Variants in DNAJC3 observed in about 807,000 individuals in gnomAD.
DNAJC3 encodes the protein dnaJ homolog subfamily C member 3.
A neutral mutation model predicts 68.6 loss-of-function variants in DNAJC3; 38 were observed. That is an observed-to-expected ratio of 0.55 (90% CI 0.43 to 0.73). The LOEUF (loss-of-function observed/expected upper bound fraction) is 0.73, where lower values mean the gene tolerates loss of function less well. Ranked by LOEUF, DNAJC3 falls within the 30% of genes least tolerant of loss-of-function variation. The pLI, the probability that DNAJC3 is intolerant of heterozygous loss-of-function variation, is 0.00. For missense variants in DNAJC3, 526 were observed against 591.9 expected, an observed-to-expected ratio of 0.89 and a Z score of 1.16; for synonymous variants, 203 against 204.0, an observed-to-expected ratio of 1.00 and a Z score of 0.04.
chr13:95,763,140 G>A (rs1328867583), intron 7 of DNAJC3, among the ~76,000 whole-genome samples: 1 of 152,196 alleles, frequency 6.6e-6, no homozygotes, highest in African/African-American at 2.4e-5. Flanking sequence ...AGCTTATACA[G>A]TTGGGAATTT....
intron 2 of DNAJC3, among the ~76,000 whole-genome samples, chr13:95,718,238 A>C (rs1389400583): frequency 2.0e-5 from 3 of 152,252 alleles, no homozygotes; most frequent in Non-Finnish European, 4.4e-5. Context: ...AAGGTTATCC[A>C]GTCTTGTATT....
intron 2 of DNAJC3, among the ~76,000 whole-genome samples, chr13:95,720,701 C>G (rs1881293492): frequency 6.6e-6 from 1 of 152,094 alleles, no homozygotes; most frequent in Admixed American, 6.6e-5. Flanking sequence ...TATATTCAGG[C>G]TACTGATTTT....
chr13:95,736,605 A>G (rs1368727114), intron 4 of DNAJC3, among the ~76,000 whole-genome samples: 1 of 151,810 alleles, frequency 6.6e-6, no homozygotes, highest in Non-Finnish European at 1.5e-5. Context: ...GAGTTCACTC[A>G]TGATTTGGCT....
At position 95,739,463 on chromosome 13, in the gene DNAJC3, G is replaced by A. The variant is rs1194044954; in HGVS notation, c.393+14211G>A. 6.6e-5 allele frequency among the ~76,000 whole-genome samples: 10 copies of A among 150,402 alleles called. No individual in the cohort carries two copies. The East Asian group carries it at 7.8e-4, about 12-fold the overall frequency. Reference sequence around the variant, plus strand: ...CTCCCCATCACTTTCAGGTACACCAGTCAGACGTAGATTTGGTCTTTTCAC... The same window carrying A: ...CTCCCCATCACTTTCAGGTACACCAATCAGACGTAGATTTGGTCTTTTCAC... On this transcript the variant is annotated intron_variant, in intron 4 of 11. Transcript: ENST00000602402.
At chr13:95,691,062 AGG>A (rs1358449724) in intron 1 of DNAJC3, among the ~76,000 whole-genome samples, 1 of 131,102 alleles carries the variant, frequency 7.6e-6, no homozygotes, top group Non-Finnish European at 1.6e-5. Flanking sequence ...GGCCGGGCAG[AGG>A]GGCTCCTCAC....
In DNAJC3 at chr13:95,704,851, G is replaced by GTTTTTT. The variant is rs1193979630; in HGVS notation, c.83-4363_83-4358dup. ...AGAAAGGACTAATCTGTGTGTGTGTGTTTTTTTTTTTTTTTTTTGAGACAG... is the reference window on the plus strand; with the variant it reads ...AGAAAGGACTAATCTGTGTGTGTGTGTTTTTTTTTTTTTTTTTTTTTTTTGAGACAG... On this transcript the variant is annotated intron_variant, in intron 1 of 11. Transcript: ENST00000602402. Among the ~76,000 whole-genome samples, 62 of 97,818 alleles carry GTTTTTT rather than the reference G, an allele frequency of 6.3e-4. 3 individuals are homozygous for GTTTTTT. The South Asian group carries it at 6.9e-3, about 11-fold the overall frequency. The allele number at this position is 97,818 out of a possible 152,430, so 64.2% of individuals were successfully genotyped here.
chr13:95,770,102 G>A (rs6492821), intron 9 of DNAJC3, among the ~76,000 whole-genome samples: 79,792 of 151,982 alleles, frequency 0.53, 21,089 homozygotes, highest in East Asian at 0.65. Flanking sequence ...GCCTCTCCCA[G>A]CAGTGACAAG....
chr13:95,755,125 G>T (rs1882611559), intron 4 of DNAJC3, among the ~76,000 whole-genome samples: 1 of 151,896 alleles, frequency 6.6e-6, no homozygotes, highest in Non-Finnish European at 1.5e-5. Flanking sequence ...TGATTGAGAG[G>T]AGTCAACAGC....
At position 95,785,998 on chromosome 13, in the gene DNAJC3, G is replaced by A; in HGVS notation, c.1135G>A (p.Gly379Ser). The change falls in exon 10 of 12, where the codon GGT becomes AGT. Residue 379 changes from glycine to serine, a missense_variant. Coordinates refer to ENST00000602402, the MANE Select transcript of DNAJC3 (RefSeq NM_006260.5). The part of the protein sequence containing the change: ...HNENDQQIRE[G>S]LEKAQRLLKQ... ...TGAAAATGATCAGCAGATTCGAGAAGGTCTAGAGAAAGCACAAAGATTATT... is the reference window on the plus strand; with the variant it reads ...TGAAAATGATCAGCAGATTCGAGAAAGTCTAGAGAAAGCACAAAGATTATT... 9.9e-6 allele frequency: 16 copies of A among 1,612,118 alleles called. No homozygotes were observed. The highest frequency in any genetic ancestry group is 1.4e-5 in the Non-Finnish European group (16 of 1,179,174).
intron 9 of DNAJC3, among the ~76,000 whole-genome samples, chr13:95,778,162 A>G (rs920670781): frequency 6.6e-6 from 1 of 152,226 alleles, no homozygotes; most frequent in African/African-American, 2.4e-5. Flanking sequence ...GAAAATAGAA[A>G]AAAACCCACA....
intron 4 of DNAJC3, among the ~76,000 whole-genome samples, chr13:95,738,532 G>C (rs191745632): frequency 6.6e-6 from 1 of 152,078 alleles, no homozygotes; most frequent in African/African-American, 2.4e-5. Flanking sequence ...ATATATTTAG[G>C]ATAGTTAGCT....
At chr13:95,773,731 C>CTTTTTTTTTTT (rs143145399) in intron 9 of DNAJC3, among the ~76,000 whole-genome samples, 6 of 71,326 alleles carry the variant, frequency 8.4e-5, no homozygotes, top group Non-Finnish European at 1.0e-4. Flanking sequence ...TTTTGTTGGT[C>CTTTTTTTTTTT]TTTTTTTTTT....
chr13:95,725,072 A>G (rs1881461552), intron 3 of DNAJC3, 106 bp from the exon 4 acceptor site: 2 of 705,850 alleles, frequency 2.8e-6, no homozygotes, highest in Middle Eastern at 4.6e-4. Context: ...CACTGGAAAA[A>G]TAAATATTTA....
chr13:95,762,131 G>A (rs375258483), intron 7 of DNAJC3, among the ~76,000 whole-genome samples: 2 of 152,092 alleles, frequency 1.3e-5, no homozygotes, highest in Non-Finnish European at 2.9e-5. Flanking sequence ...GCGTGGTGGC[G>A]CATGCCTGTA....
chr13:95,730,652 T>G (rs948714282), intron 4 of DNAJC3, among the ~76,000 whole-genome samples: 5 of 152,240 alleles, frequency 3.3e-5, no homozygotes, highest in Admixed American at 3.3e-4. Flanking sequence ...GGTTCTCTAA[T>G]CTGTTCCATT....
chr13:95,784,432 G>C (rs111452895), intron 9 of DNAJC3, among the ~76,000 whole-genome samples: 32 of 152,044 alleles, frequency 2.1e-4, no homozygotes, highest in African/African-American at 7.7e-4. Flanking sequence ...TCCCTGTGAC[G>C]TCATAAAGAA....
chr13:95,773,513 T>C (rs1027034007), intron 9 of DNAJC3, among the ~76,000 whole-genome samples: 1 of 152,014 alleles, frequency 6.6e-6, no homozygotes, highest in Non-Finnish European at 1.5e-5. Flanking sequence ...ATATTTTCTG[T>C]TTCATCTGTG....
chr13:95,752,651 C>T lies in DNAJC3; in HGVS notation c.394-4993C>T, dbSNP rs142200384. 5.3e-3 allele frequency among the ~76,000 whole-genome samples: 803 copies of T among 152,278 alleles called. 9 individuals are homozygous for T. Among genetic ancestry groups the T allele is most frequent in the African/African-American group, 0.019 (771 of 41,552 alleles). ...CTCTGAATCCTTATTAATTAACTTA[C>T]AGCACTCTCTGTTATAATAAAATGC... On this transcript the variant is annotated intron_variant, in intron 4 of 11. Transcript: ENST00000602402.
At chr13:95,764,371 C>A (rs4996883) in intron 9 of DNAJC3, among the ~76,000 whole-genome samples, 4,652 of 132,414 alleles carry the variant, frequency 0.035, 101 homozygotes, top group African/African-American at 0.079. Flanking sequence ...CTCTCTCTCT[C>A]TCTCTATATA....
Sources: gnomAD v4.1 joint callset for allele counts (sites outside exome capture counted in the v4.1 genomes callset) on GRCh38, gnomAD v4.1.1 for gene constraint, MANE v1.5 for transcripts, NCBI Gene and HGNC (gene_info 2026-07-23, HGNC 2026-07-21) for gene names.